The following SNX29 variants were observed in gnomAD, a reference collection of about 807,000 sequenced individuals.
SNX29 encodes sorting nexin-29.
SNX29 carries 78 observed loss-of-function variants against 102.1 expected under a neutral mutation model. That is an observed-to-expected ratio of 0.76 (90% CI 0.64 to 0.92). The LOEUF is 0.92. SNX29 is among the 40% of genes least tolerant of loss of function. The probability of loss-of-function intolerance (pLI) is 0.00; values close to 1 mark genes in which losing one functional copy is unlikely to be tolerated. For synonymous variants in SNX29, 580 were observed against 414.5 expected (o/e 1.40, Z -4.85); for missense variants, 1,280 against 1,061.7 (o/e 1.21, Z -2.86).
At chr16:12,302,246 C>T (rs966880616) in intron 15 of SNX29, among the ~76,000 whole-genome samples, 6 of 152,220 alleles carry the variant, frequency 3.9e-5, no homozygotes, top group Non-Finnish European at 7.3e-5. Flanking sequence ...GCTGTGGCCA[C>T]GTTCCGTCAA....
chr16:12,459,529 A>G (rs115673947), intron 18 of SNX29, among the ~76,000 whole-genome samples: 4,553 of 152,230 alleles, frequency 0.03, 245 homozygotes, highest in African/African-American at 0.1. Context: ...AGAGAAAGAC[A>G]ACCACTGTTC....
chr16:12,058,158 A>C (rs1432309166), intron 8 of SNX29, among the ~76,000 whole-genome samples: 1 of 151,982 alleles, frequency 6.6e-6, no homozygotes, highest in Non-Finnish European at 1.5e-5. Context: ...AAGATAAAAA[A>C]CTCAACATTT....
At chr16:12,132,504 A>G (rs2054505724) in intron 13 of SNX29, among the ~76,000 whole-genome samples, 1 of 152,238 alleles carries the variant, frequency 6.6e-6, no homozygotes, top group South Asian at 2.1e-4. Flanking sequence ...ACTTCTGCAC[A>G]TATGTGCTTC....
At chr16:12,336,828 C>G (rs987304540) in intron 15 of SNX29, among the ~76,000 whole-genome samples, 1 of 152,152 alleles carries the variant, frequency 6.6e-6, no homozygotes, top group Admixed American at 6.5e-5. Context: ...TACCTGTAAT[C>G]CCAGCTACGC....
intron 20 of SNX29, chr16:12,546,478 G>T (rs1597890995): frequency 6.6e-6 from 1 of 152,150 alleles, no homozygotes; most frequent in African/African-American, 2.4e-5. Context: ...TTCACTGTCA[G>T]AAGAACAGCA....
rs533957490 is a variant in SNX29, at chr16:12,568,560, C to G, written c.2373C>G (p.Arg791=). The change falls in exon 21 of 21, where the codon CGC becomes CGG. Residue 791 remains arginine, a synonymous_variant. Coordinates refer to ENST00000566228, the MANE Select transcript of SNX29 (RefSeq NM_032167.5). ...PVNSRPKAAS[R]FPKLSRGQPR... Reference sequence around the variant, plus strand: ...ACAGCCGGCCCAAAGCAGCTTCCCGCTTCCCCAAACTGTCCCGGGGTCAGC... The same window carrying G: ...ACAGCCGGCCCAAAGCAGCTTCCCGGTTCCCCAAACTGTCCCGGGGTCAGC... The G allele has an allele frequency of 3.0e-5, 48 of 1,609,294 alleles. No homozygotes were observed. Among genetic ancestry groups the G allele is most frequent in the African/African-American group, 4.0e-5 (3 of 75,056 alleles).
At chr16:12,376,244 G>A (rs1486038513) in intron 16 of SNX29, among the ~76,000 whole-genome samples, 1 of 152,086 alleles carries the variant, frequency 6.6e-6, no homozygotes, top group Admixed American at 6.6e-5. Context: ...CCACGTCCCT[G>A]GCACCTTTAC....
chr16:12,320,989 G>T (rs538618465), intron 15 of SNX29, among the ~76,000 whole-genome samples: 2 of 152,188 alleles, frequency 1.3e-5, no homozygotes, highest in Non-Finnish European at 2.9e-5. Flanking sequence ...GAGCAAATCA[G>T]GACTGAGGCG....
intron 15 of SNX29, among the ~76,000 whole-genome samples, chr16:12,338,439 A>T (rs546392103): frequency 3.3e-5 from 5 of 152,164 alleles, no homozygotes; most frequent in Non-Finnish European, 7.3e-5. Context: ...CCCGGGAACA[A>T]GGAAGCTCAT....
rs1245928002 is a variant in SNX29 at position 12,569,187 on chromosome 16, C to CCTGGCA, written c.*562_*567dup. On this transcript the variant is annotated 3_prime_UTR_variant, in exon 21 of 21. Transcript: ENST00000566228. Reference sequence around the variant, plus strand: ...ATTTTCCACCAACAGTCATTAGACACCTGGCACTGTCACAGCTCACTTTTC... The same window carrying CCTGGCA: ...ATTTTCCACCAACAGTCATTAGACACCTGGCACTGGCACTGTCACAGCTCACTTTTC... The CCTGGCA allele has an allele frequency of 1.4e-5, 3 of 217,730 alleles. No homozygotes were observed. In the East Asian group the frequency reaches 2.1e-4, roughly 15 times the overall value. 13.5% of individuals were successfully genotyped at this position (217,730 alleles called of 1,614,324 possible).
intron 19 of SNX29, among the ~76,000 whole-genome samples, chr16:12,479,347 C>T (rs1026418287): frequency 7.2e-5 from 11 of 152,226 alleles, no homozygotes; most frequent in African/African-American, 2.7e-4. Flanking sequence ...GCAAGAGTTT[C>T]CATAACCCAC....
intron 20 of SNX29, among the ~76,000 whole-genome samples, chr16:12,535,815 C>T (rs1220166344): frequency 6.6e-6 from 1 of 152,138 alleles, no homozygotes; most frequent in Admixed American, 6.5e-5. Context: ...GTAAGCCTTG[C>T]CGCCACTTTG....
At chr16:12,082,871 C>A (rs76167818) in intron 11 of SNX29, among the ~76,000 whole-genome samples, 4,066 of 152,186 alleles carry the variant, frequency 0.027, 153 homozygotes, top group African/African-American at 0.075. Context: ...GTGGTTTTCA[C>A]TTGTGTTTTC....
At chr16:12,556,708 G>C (rs971428224) in intron 20 of SNX29, among the ~76,000 whole-genome samples, 2 of 152,200 alleles carry the variant, frequency 1.3e-5, no homozygotes, top group East Asian at 1.9e-4. Flanking sequence ...CCAAAGGCCA[G>C]TGGGTCTTGG....
At position 12,568,899 on chromosome 16, in the gene SNX29, G is replaced by A. The variant is rs886199226; in HGVS notation, c.*270G>A. ...TCTGGGGTCTACCCTGGGCTGCAAG[G>A]GCTGTTCCTCCACCTTTCTGTAGTT... On this transcript the variant is annotated 3_prime_UTR_variant, in exon 21 of 21. Transcript: ENST00000566228. The A allele has an allele frequency of 8.5e-5, 42 of 494,198 alleles. No individual in the cohort carries two copies. The highest frequency in any genetic ancestry group is 1.4e-4 in the Non-Finnish European group (39 of 283,854). 30.6% of individuals were successfully genotyped at this position (494,198 alleles called of 1,614,324 possible). A position where few individuals can be genotyped will look rare whatever the true frequency, so the allele number is the denominator to read the frequency against.
At chr16:12,355,884 G>GA (rs1183417631) in intron 15 of SNX29, among the ~76,000 whole-genome samples, 6 of 127,304 alleles carry the variant, frequency 4.7e-5, no homozygotes, top group Admixed American at 8.1e-5. Flanking sequence ...AAAGAGAGAG[G>GA]AAAAAAAAAG....
intron 18 of SNX29, among the ~76,000 whole-genome samples, chr16:12,471,744 G>T (rs1454614320): frequency 1.3e-5 from 2 of 152,236 alleles, no homozygotes; most frequent in African/African-American, 2.4e-5. Flanking sequence ...ACAATCAGGT[G>T]TATCAATCTT....
At chr16:12,388,101 C>T (rs181476745) in intron 16 of SNX29, among the ~76,000 whole-genome samples, 30 of 152,296 alleles carry the variant, frequency 2.0e-4, no homozygotes, top group East Asian at 1.3e-3. Flanking sequence ...TTCGAGGCAC[C>T]GCCTTTTGCA....
chr16:11,996,571 A>G (rs1391477354), intron 1 of SNX29, among the ~76,000 whole-genome samples: 3 of 152,118 alleles, frequency 2.0e-5, no homozygotes, highest in African/African-American at 4.8e-5. Flanking sequence ...TGCTTTTATG[A>G]TGAGAAAAAA....
Sources: allele counts gnomAD v4.1 joint callset (sites outside exome capture counted in the v4.1 genomes callset), GRCh38; gene constraint gnomAD v4.1.1; transcripts MANE v1.5; gene names NCBI Gene and HGNC (gene_info 2026-07-23, HGNC 2026-07-21).